The following SGMS1 variants were observed in gnomAD, a reference collection of about 807,000 sequenced individuals.
SGMS1 encodes the protein phosphatidylcholine:ceramide cholinephosphotransferase 1.
Under a neutral mutation model 46.2 loss-of-function variants are expected in SGMS1, and 13 were observed. That is an observed-to-expected ratio of 0.28 (90% CI 0.18 to 0.45). The LOEUF (loss-of-function observed/expected upper bound fraction) is 0.45, where lower values mean the gene tolerates loss of function less well. Ranked by LOEUF, SGMS1 falls within the 20% of genes least tolerant of loss-of-function variation. The probability of loss-of-function intolerance (pLI) is 1.00; values close to 1 mark genes in which losing one functional copy is unlikely to be tolerated. For synonymous variants in SGMS1, 203 were observed against 187.8 expected (o/e 1.08, Z -0.66); for missense variants, 324 against 519.9 (o/e 0.62, Z 3.66).
At position 50,345,125 on chromosome 10, in the gene SGMS1, T is replaced by TA. The variant is rs781167936; in HGVS notation, c.-231-781_-231-780insT. Among the ~76,000 whole-genome samples, 34 of 112,952 alleles carry TA rather than the reference T, an allele frequency of 3.0e-4. 1 individual carries two copies. The highest frequency in any genetic ancestry group is 5.3e-3 in the Middle Eastern group (1 of 188). The allele number at this position is 112,952 out of a possible 152,430, so 74.1% of individuals were successfully genotyped here. On this transcript the variant is annotated intron_variant, in intron 6 of 10. Transcript: ENST00000361781. ...AACTGGTTTAATATTTTTATATTCT[T>TA]TAAAAAAAAAAAATCAGTGAATCCC...
chr10:50,499,269 T>C (rs866436454), intron 3 of SGMS1, among the ~76,000 whole-genome samples: 9 of 152,206 alleles, frequency 5.9e-5, no homozygotes, highest in Admixed American at 5.2e-4. Context: ...GGTTTTCTCA[T>C]TGGTGAAATG....
chr10:50,317,455 G>A (rs1371960721), intron 8 of SGMS1, among the ~76,000 whole-genome samples: 3 of 152,118 alleles, frequency 2.0e-5, no homozygotes, highest in Admixed American at 6.5e-5. Context: ...GTGGCTTACC[G>A]ACCAGTACAT....
In SGMS1 at chr10:50,531,375, A is replaced by AT. The variant is rs111628705; in HGVS notation, c.-588-11455dup. The stretch of plus-strand genomic sequence containing the variant: ...GAGGAAGTGCCATACATGTTTACTT[A>AT]TTTTTTTTTTTATAAATTCCCTTAC... On this transcript the variant is annotated intron_variant, in intron 2 of 10. Transcript: ENST00000361781. Among the ~76,000 whole-genome samples the AT allele has an allele frequency of 8.7e-3, 1,289 of 148,962 alleles. 6 individuals are homozygous for AT. The highest frequency in any genetic ancestry group is 0.021 in the African/African-American group (862 of 40,560).
intron 6 of SGMS1, among the ~76,000 whole-genome samples, chr10:50,383,978 T>C (rs1848645730): frequency 1.3e-5 from 2 of 152,138 alleles, no homozygotes; most frequent in Non-Finnish European, 1.5e-5. Context: ...ATGGGATCAG[T>C]GCCCTTATAA....
At chr10:50,313,873 C>T (rs937533149) in intron 8 of SGMS1, among the ~76,000 whole-genome samples, 5 of 152,068 alleles carry the variant, frequency 3.3e-5, no homozygotes, top group African/African-American at 1.2e-4. Flanking sequence ...CTTACAGGTA[C>T]CCTTAGAGAC....
chr10:50,342,455 T>C (rs1467770886), intron 7 of SGMS1: 1 of 152,220 alleles, frequency 6.6e-6, no homozygotes, highest in Non-Finnish European at 1.5e-5. Flanking sequence ...TGTCAGGAAC[T>C]GCTTTTATTT....
chr10:50,605,437 C>A (rs1445646937), intron 1 of SGMS1, among the ~76,000 whole-genome samples: 1 of 152,364 alleles, frequency 6.6e-6, no homozygotes, highest in South Asian at 2.1e-4. Flanking sequence ...AGGAACCAAA[C>A]ACTACTGCCA....
intron 2 of SGMS1, among the ~76,000 whole-genome samples, chr10:50,575,808 T>C (rs1276933502): frequency 6.6e-6 from 1 of 152,172 alleles, no homozygotes; most frequent in East Asian, 1.9e-4. Context: ...AAGAAAGCTA[T>C]GGCCCAAGCA....
chr10:50,365,761 C>A (rs1379930085), intron 6 of SGMS1, among the ~76,000 whole-genome samples: 1 of 152,186 alleles, frequency 6.6e-6, no homozygotes, highest in Non-Finnish European at 1.5e-5. Context: ...AAGACATGAT[C>A]TAATTCCTTA....
At chr10:50,579,155 CA>C (rs1056138302) in intron 2 of SGMS1, among the ~76,000 whole-genome samples, 2 of 151,728 alleles carry the variant, frequency 1.3e-5, no homozygotes, top group African/African-American at 2.4e-5. Flanking sequence ...AAAAAACTGT[CA>C]AAAAATTTTA....
At chr10:50,482,798 T>C (rs1837488526) in intron 3 of SGMS1, among the ~76,000 whole-genome samples, 2 of 152,170 alleles carry the variant, frequency 1.3e-5, no homozygotes, top group Non-Finnish European at 2.9e-5. Context: ...ATCTGTGCAC[T>C]GTATTCAAGA....
intron 7 of SGMS1, among the ~76,000 whole-genome samples, chr10:50,339,366 T>G (rs1160130118): frequency 6.6e-6 from 1 of 152,192 alleles, no homozygotes; most frequent in Non-Finnish European, 1.5e-5. Flanking sequence ...CCCAAACACA[T>G]GCATGGTATT....
At chr10:50,361,738 C>T (rs1848252668) in intron 6 of SGMS1, among the ~76,000 whole-genome samples, 1 of 152,162 alleles carries the variant, frequency 6.6e-6, no homozygotes, top group Admixed American at 6.5e-5. Flanking sequence ...AACTGCAACC[C>T]TCTGCCACAC....
intron 3 of SGMS1, among the ~76,000 whole-genome samples, chr10:50,500,929 T>A (rs780375834): frequency 2.6e-5 from 4 of 152,236 alleles, no homozygotes; most frequent in Admixed American, 1.3e-4. Context: ...TATATGGGCA[T>A]GTAATCTTAA....
chr10:50,314,213 A>G (rs1001558338), intron 8 of SGMS1, among the ~76,000 whole-genome samples: 6 of 152,058 alleles, frequency 3.9e-5, no homozygotes, highest in Non-Finnish European at 8.8e-5. Flanking sequence ...TCATTTTCCC[A>G]TGTTGAATTA....
chr10:50,603,376 A>T (rs183190972), intron 1 of SGMS1, among the ~76,000 whole-genome samples: 2 of 152,328 alleles, frequency 1.3e-5, no homozygotes, highest in African/African-American at 4.8e-5. Flanking sequence ...CTCTGCCGAG[A>T]GTCAAACACC....
intron 6 of SGMS1, among the ~76,000 whole-genome samples, chr10:50,416,351 C>T (rs1367088384): frequency 6.6e-6 from 1 of 152,114 alleles, no homozygotes; most frequent in African/African-American, 2.4e-5. Flanking sequence ...AAAACAGGGT[C>T]AAAAATACCT....
intron 3 of SGMS1, among the ~76,000 whole-genome samples, chr10:50,489,952 T>C (rs577393795): frequency 6.6e-6 from 1 of 151,988 alleles, no homozygotes; most frequent in African/African-American, 2.4e-5. Context: ...CCAGCCTGGG[T>C]GAGAGAATGA....
At chr10:50,403,559 G>T (rs1384315495) in intron 6 of SGMS1, among the ~76,000 whole-genome samples, 1 of 151,934 alleles carries the variant, frequency 6.6e-6, no homozygotes, top group Non-Finnish European at 1.5e-5. Flanking sequence ...TCAAAAGCCA[G>T]ATGCTACCCT....
Sources: gnomAD v4.1 joint callset for allele counts (sites outside exome capture counted in the v4.1 genomes callset) on GRCh38, gnomAD v4.1.1 for gene constraint, MANE v1.5 for transcripts, NCBI Gene and HGNC (gene_info 2026-07-23, HGNC 2026-07-21) for gene names.